RIC8B: variants seen among roughly 807,000 people sequenced by gnomAD.
The protein encoded by RIC8B is chaperone Ric-8B.
Under a neutral mutation model 57.5 loss-of-function variants are expected in RIC8B, and 16 were observed. The ratio of observed to expected loss-of-function variants is 0.28; its 90% CI spans 0.19 to 0.42. The LOEUF is 0.42. Among genes scored for constraint, RIC8B ranks in the 10% least tolerant of loss-of-function variants. The probability of loss-of-function intolerance (pLI) is 1.00; values close to 1 mark genes in which losing one functional copy is unlikely to be tolerated. For synonymous variants in RIC8B, 216 were observed against 250.8 expected (o/e 0.86, Z 1.31); for missense variants, 481 against 677.0 (o/e 0.71, Z 3.21).
intron 9 of RIC8B, among the ~76,000 whole-genome samples, chr12:106,875,638 C>T (rs1300475975): frequency 6.6e-6 from 1 of 152,082 alleles, no homozygotes; most frequent in Non-Finnish European, 1.5e-5. Flanking sequence ...TCACCCTTAC[C>T]CCATCACTGT....
intron 7 of RIC8B, among the ~76,000 whole-genome samples, chr12:106,851,869 G>A (rs1949490133): frequency 6.6e-6 from 1 of 152,082 alleles, no homozygotes; most frequent in South Asian, 2.1e-4. Context: ...ATCTTAATGG[G>A]GCAGGACATA....
chr12:106,825,937 G>C (rs952063937), intron 4 of RIC8B, 117 bp downstream of exon 4: 1 of 665,812 alleles, frequency 1.5e-6, no homozygotes, highest in Non-Finnish European at 2.7e-6. Flanking sequence ...AGTAAATCAG[G>C]TAACTGGTAG....
At chr12:106,795,293 C>T (rs964136201) in intron 2 of RIC8B, among the ~76,000 whole-genome samples, 10 of 152,076 alleles carry the variant, frequency 6.6e-5, no homozygotes, top group African/African-American at 2.4e-4. Flanking sequence ...GGTAAATACC[C>T]GTGGTTCGTC....
intron 8 of RIC8B, 52 bp downstream of exon 8, chr12:106,860,464 T>G (rs1949884052): frequency 7.8e-7 from 1 of 1,276,074 alleles, no homozygotes. Flanking sequence ...TTTGAGTTGG[T>G]TATTTCCTTT....
intron 7 of RIC8B, among the ~76,000 whole-genome samples, chr12:106,852,500 G>A (rs1949517179): frequency 6.6e-6 from 1 of 152,234 alleles, no homozygotes; most frequent in Non-Finnish European, 1.5e-5. Flanking sequence ...AAGATGGTAT[G>A]TTAGTAACCT....
At chr12:106,821,553 C>T (rs1274603060) in intron 3 of RIC8B, among the ~76,000 whole-genome samples, 1 of 152,124 alleles carries the variant, frequency 6.6e-6, no homozygotes, top group Non-Finnish European at 1.5e-5. Context: ...ATGACTTTAT[C>T]TCATGCAAGT....
intron 4 of RIC8B, among the ~76,000 whole-genome samples, chr12:106,835,779 T>C (rs187101010): frequency 6.6e-6 from 1 of 152,302 alleles, no homozygotes; most frequent in African/African-American, 2.4e-5. Context: ...CATGGACAAA[T>C]ACAGAAAAGA....
chr12:106,873,108 G>A (rs1229423073), intron 9 of RIC8B: 1 of 985,230 alleles, frequency 1.0e-6, no homozygotes, highest in African/African-American at 1.7e-5. Flanking sequence ...GCTTCCACCT[G>A]ATTTAAACTA....
chr12:106,792,669 G>A (rs574862098), intron 2 of RIC8B, among the ~76,000 whole-genome samples: 1 of 152,174 alleles, frequency 6.6e-6, no homozygotes, highest in East Asian at 1.9e-4. Flanking sequence ...CGGATGCTGT[G>A]TCTCACTCTT....
intron 2 of RIC8B, among the ~76,000 whole-genome samples, chr12:106,792,546 C>T (rs2044303395): frequency 6.6e-6 from 1 of 151,942 alleles, no homozygotes; most frequent in Non-Finnish European, 1.5e-5. Context: ...CCTAATGGAA[C>T]TGGTAAAAAT....
chr12:106,823,875 G>A (rs1475988025), intron 3 of RIC8B, among the ~76,000 whole-genome samples: 2 of 152,026 alleles, frequency 1.3e-5, no homozygotes, highest in South Asian at 2.1e-4. Flanking sequence ...TAGTAGAGAC[G>A]GGGTTTCACC....
chr12:106,786,295 G>A (rs1382896553), intron 2 of RIC8B, among the ~76,000 whole-genome samples: 2 of 151,758 alleles, frequency 1.3e-5, no homozygotes, highest in Non-Finnish European at 2.9e-5. Flanking sequence ...GACTACAGGC[G>A]CCCGCAACCA....
chr12:106,783,481 AAAAG>A (rs1412472892), intron 1 of RIC8B, among the ~76,000 whole-genome samples: 7 of 152,228 alleles, frequency 4.6e-5, no homozygotes, highest in Admixed American at 4.6e-4. Context: ...TTGCATATGA[AAAAG>A]AAAGTATAAA....
At chr12:106,809,709 G>A (rs901454580) in intron 2 of RIC8B, among the ~76,000 whole-genome samples, 6 of 151,792 alleles carry the variant, frequency 4.0e-5, no homozygotes, top group Non-Finnish European at 7.4e-5. Context: ...TTATGGATAC[G>A]TAATAATTCT....
chr12:106,801,438 C>T (rs1012095072), intron 2 of RIC8B, among the ~76,000 whole-genome samples: 1 of 152,078 alleles, frequency 6.6e-6, no homozygotes. Context: ...GACAGATCAC[C>T]ATGATATATA....
chr12:106,868,856 T>A (rs1950261758), intron 8 of RIC8B, among the ~76,000 whole-genome samples: 2 of 146,188 alleles, frequency 1.4e-5, no homozygotes, highest in South Asian at 4.4e-4. Flanking sequence ...AGCTTTTTTT[T>A]TTTTTTTTTT....
chr12:106,819,487 C>G (rs996729529), intron 3 of RIC8B, among the ~76,000 whole-genome samples: 1 of 152,054 alleles, frequency 6.6e-6, no homozygotes, highest in African/African-American at 2.4e-5. Context: ...AGTGGTGGCT[C>G]ACGCCTGTAA....
chr12:106,875,572 A>T (rs1168309586), intron 9 of RIC8B, among the ~76,000 whole-genome samples: 9 of 152,154 alleles, frequency 5.9e-5, no homozygotes, highest in Admixed American at 5.9e-4. Context: ...TTTTGTTTTG[A>T]CTTCTCTAAT....
intron 9 of RIC8B, chr12:106,874,627 C>A (rs200115041): frequency 4.0e-6 from 5 of 1,258,494 alleles, no homozygotes; most frequent in South Asian, 1.3e-5. Flanking sequence ...TATTCACTAC[C>A]AAAATTGTAA....
Sources: allele counts gnomAD v4.1 joint callset (sites outside exome capture counted in the v4.1 genomes callset), GRCh38; gene constraint gnomAD v4.1.1; transcripts MANE v1.5; gene names NCBI Gene and HGNC (gene_info 2026-07-23, HGNC 2026-07-21).